GATA4: variants seen among roughly 807,000 people sequenced by gnomAD.
The protein encoded by GATA4 is transcription factor GATA-4.
A neutral mutation model predicts 37.9 loss-of-function variants in GATA4; 7 were observed. The ratio of observed to expected loss-of-function variants is 0.18; its 90% CI spans 0.11 to 0.35. The LOEUF (loss-of-function observed/expected upper bound fraction) is 0.35. Ranked by LOEUF, GATA4 falls within the 10% of genes least tolerant of loss-of-function variation. GATA4 has a pLI of 1.00. For missense variants in GATA4, 647 were observed against 653.0 expected (o/e 0.99, Z 0.10); for synonymous variants, 372 against 292.6 (o/e 1.27, Z -2.77).
chr8:11,706,393 C>T (rs79484560), intron 1 of GATA4, among the ~76,000 whole-genome samples: 2,372 of 152,190 alleles, frequency 0.016, 66 homozygotes, highest in South Asian at 0.092. Context: ...TAGTAATAGT[C>T]AACTGTTATT....
At position 11,741,963 on chromosome 8, in the gene GATA4, A is replaced by C. The variant is rs1474354818; in HGVS notation, c.617-6953A>C. ...GGTGGGACGCTGGCCTGCGGTTAAG[A>C]GACTGACTGCCCAGCCTGGGTTCGA... On this transcript the variant is annotated intron_variant, in intron 2 of 6. Coordinates refer to ENST00000532059, the MANE Select transcript of GATA4 (RefSeq NM_001308093.3). Among the ~76,000 whole-genome samples the C allele has an allele frequency of 7.9e-5, 12 of 152,078 alleles. No homozygotes were observed. The East Asian group carries it at 2.1e-3, about 27-fold the overall frequency.
Position 11,707,499 on chromosome 8 carries a change from G to C in GATA4, c.-457-357G>C, listed in dbSNP as rs1563198848. Among the ~76,000 whole-genome samples, 3 of 152,086 alleles carry C rather than the reference G, an allele frequency of 2.0e-5. No homozygotes were observed. The highest frequency in any genetic ancestry group is 4.4e-5 in the Non-Finnish European group (3 of 68,016). ...TGGGTCCCAGGCACTCTGCATTAACGCCAAACTTTTGGACTTACAAAAATA... is the reference window on the plus strand; with the variant it reads ...TGGGTCCCAGGCACTCTGCATTAACCCCAAACTTTTGGACTTACAAAAATA... On this transcript the variant is annotated intron_variant, in intron 1 of 6. Coordinates refer to ENST00000532059, the MANE Select transcript of GATA4 (RefSeq NM_001308093.3). The surrounding 1 kb of genome is among the most constrained non-coding windows in gnomAD (Gnocchi z 4.7).
rs927415639 is a variant in GATA4 at position 11,697,217 on chromosome 8, T to A, written c.-728-3291T>A. On this transcript the variant is annotated intron_variant, in intron 1 of 2. Transcript: ENST00000526974. ...CAGGGGGCAGCACCAGAAGTCCCACTCTAACCGGAGAGCCCCTGTCCTTCT... is the reference window on the plus strand; with the variant it reads ...CAGGGGGCAGCACCAGAAGTCCCACACTAACCGGAGAGCCCCTGTCCTTCT... Among the ~76,000 whole-genome samples, 3 of 152,218 alleles carry A rather than the reference T, an allele frequency of 2.0e-5. 1 individual carries two copies. Among genetic ancestry groups the A allele is most frequent in the African/African-American group, 7.2e-5 (3 of 41,454 alleles).
chr8:11,679,381 T>G (rs944422969), intron 1 of GATA4, among the ~76,000 whole-genome samples: 76 of 152,050 alleles, frequency 5.0e-4, no homozygotes, highest in African/African-American at 1.8e-3. Flanking sequence ...CGACTGTAGG[T>G]GGAGGGCGTG....
chr8:11,747,831 T>C (rs920223437), intron 2 of GATA4, among the ~76,000 whole-genome samples: 30 of 152,250 alleles, frequency 2.0e-4, no homozygotes, highest in African/African-American at 6.8e-4. Flanking sequence ...TAAAGAATTT[T>C]ATAAAATGAG....
intron 1 of GATA4, among the ~76,000 whole-genome samples, chr8:11,678,063 G>C (rs1215522254): frequency 1.3e-5 from 2 of 149,398 alleles, no homozygotes; most frequent in African/African-American, 4.9e-5. Flanking sequence ...ATAATAAATA[G>C]GAGTGACAGC....
chr8:11,681,080 A>G (rs1041327306), intron 1 of GATA4: 40 of 961,312 alleles, frequency 4.2e-5, no homozygotes, highest in African/African-American at 5.3e-5. Flanking sequence ...AGGGACATTG[A>G]GGGGCATGGG....
chr8:11,696,451 C>T (rs1253376123), intron 1 of GATA4, among the ~76,000 whole-genome samples: 1 of 151,636 alleles, frequency 6.6e-6, no homozygotes, highest in Non-Finnish European at 1.5e-5. Context: ...TTGTTCATTC[C>T]TGTTTGTTAC....
chr8:11,725,760 C>T (rs191093089), intron 2 of GATA4, among the ~76,000 whole-genome samples: 180 of 152,306 alleles, frequency 1.2e-3, no homozygotes, highest in African/African-American at 4.2e-3. Context: ...TATTACTCGG[C>T]ACCTTGGCAA....
chr8:11,715,600 G>A (rs934201204), intron 2 of GATA4, among the ~76,000 whole-genome samples: 1 of 152,084 alleles, frequency 6.6e-6, no homozygotes, highest in Non-Finnish European at 1.5e-5. Flanking sequence ...AATTAGCTGG[G>A]CATGGTGGCA....
At position 11,709,435 on chromosome 8, in the gene GATA4, CTGA is replaced by C. The variant is rs1264288947; in HGVS notation, c.616+512_616+514del. 1.3e-5 allele frequency among the ~76,000 whole-genome samples: 2 copies of C among 152,190 alleles called. No homozygotes were observed. Among genetic ancestry groups the C allele is most frequent in the Non-Finnish European group, 2.9e-5 (2 of 68,018 alleles). On this transcript the variant is annotated intron_variant, in intron 2 of 6. Coordinates refer to ENST00000532059, the MANE Select transcript of GATA4 (RefSeq NM_001308093.3). This position sits in a 1 kb window ranked among gnomAD's most constrained non-coding sequence, Gnocchi z 4.3. ...CCAGCTGGAGGATCCCTCGGGGTAG[CTGA>C]TGATTTTCCCGTCGGGGGTCTCACA...
chr8:11,709,042 C>A lies in GATA4; in HGVS notation c.616+114C>A. ...CGCCTTCGTTGGGCTGGGGATGGTGCTTCACTACCTCGAGTTTCTAGGGAA... is the reference window on the plus strand; with the variant it reads ...CGCCTTCGTTGGGCTGGGGATGGTGATTCACTACCTCGAGTTTCTAGGGAA... On this transcript the variant is annotated intron_variant, in intron 2 of 6. Coordinates refer to ENST00000532059, the MANE Select transcript of GATA4 (RefSeq NM_001308093.3). This position sits in a 1 kb window ranked among gnomAD's most constrained non-coding sequence, Gnocchi z 4.3. 1 of 1,082,750 alleles carries A rather than the reference C, an allele frequency of 9.2e-7. No individual in the cohort carries two copies. The highest frequency in any genetic ancestry group is 1.8e-5 in the South Asian group (1 of 54,628). The allele number at this position is 1,082,750 out of a possible 1,614,324, so 67.1% of individuals were successfully genotyped here. A position where few individuals can be genotyped will look rare whatever the true frequency, so the allele number is the denominator to read the frequency against.
upstream of GATA4, among the ~76,000 whole-genome samples, chr8:11,701,831 G>A (rs1799686132): frequency 1.3e-5 from 2 of 151,452 alleles, no homozygotes; most frequent in Admixed American, 6.6e-5. Context: ...CCAGCGGAAG[G>A]TGTGGGTAAA....
At chr8:11,693,474 A>G (rs1799390951) in intron 1 of GATA4, among the ~76,000 whole-genome samples, 1 of 140,058 alleles carries the variant, frequency 7.1e-6, no homozygotes, top group South Asian at 2.4e-4. Flanking sequence ...AGAAAGGGAG[A>G]AAGAAGAGAG....
At chr8:11,710,262 T>C (rs561155269) in intron 2 of GATA4, among the ~76,000 whole-genome samples, 1 of 152,220 alleles carries the variant, frequency 6.6e-6, no homozygotes, top group East Asian at 1.9e-4. Flanking sequence ...CTCACCCCTC[T>C]TGGGGGAGCC....
chr8:11,731,763 G>C (rs990443951), intron 2 of GATA4, among the ~76,000 whole-genome samples: 1 of 152,200 alleles, frequency 6.6e-6, no homozygotes, highest in Non-Finnish European at 1.5e-5. Context: ...TTAAAGAAGA[G>C]AAAAATGGAG....
At chr8:11,720,256 C>T (rs1800611169) in intron 2 of GATA4, among the ~76,000 whole-genome samples, 2 of 151,996 alleles carry the variant, frequency 1.3e-5, no homozygotes, top group Admixed American at 1.3e-4. Flanking sequence ...TTCCGGCATG[C>T]CCCGTGATAG....
intron 2 of GATA4, among the ~76,000 whole-genome samples, chr8:11,723,686 T>C (rs958623879): frequency 1.3e-5 from 2 of 152,160 alleles, no homozygotes; most frequent in Non-Finnish European, 2.9e-5. Context: ...AGTCAGGAAA[T>C]ACGTACCCCT....
intron 2 of GATA4, among the ~76,000 whole-genome samples, chr8:11,714,882 T>A (rs1229712033): frequency 6.6e-6 from 1 of 152,160 alleles, no homozygotes; most frequent in Non-Finnish European, 1.5e-5. Context: ...GCTCTGACCT[T>A]TATGGAGAGT....
Sources: allele counts gnomAD v4.1 joint callset (sites outside exome capture counted in the v4.1 genomes callset), GRCh38; gene constraint gnomAD v4.1.1; non-coding constraint Gnocchi (gnomAD v3.1); transcripts MANE v1.5; gene names NCBI Gene and HGNC (gene_info 2026-07-23, HGNC 2026-07-21).